The following RBFOX3 variants were observed in gnomAD, a reference collection of about 807,000 sequenced individuals.
RBFOX3 encodes the protein RNA binding protein fox-1 homolog 3.
A neutral mutation model predicts 48.7 loss-of-function variants in RBFOX3; 17 were observed. That is an observed-to-expected ratio of 0.35 (90% CI 0.24 to 0.52). The LOEUF is 0.52. RBFOX3 is among the 20% of genes least tolerant of loss of function. The pLI, the probability that RBFOX3 is intolerant of heterozygous loss-of-function variation, is 0.94. For missense variants in RBFOX3, 382 were observed against 497.5 expected (o/e 0.77, Z 2.21); for synonymous variants, 212 against 209.5 (o/e 1.01, Z -0.10).
intron 2 of RBFOX3, among the ~76,000 whole-genome samples, chr17:79,429,184 C>T (rs2067968069): frequency 6.6e-6 from 1 of 152,270 alleles, no homozygotes; most frequent in Non-Finnish European, 1.5e-5. Flanking sequence ...TCCTTGCAGC[C>T]TCTTCAGGGA....
intron 3 of RBFOX3, among the ~76,000 whole-genome samples, chr17:79,275,589 G>A (rs774325845): frequency 5.3e-5 from 8 of 152,176 alleles, no homozygotes; most frequent in Admixed American, 1.3e-4. Flanking sequence ...CCTCCCCAAT[G>A]GACACAGAAG....
intron 2 of RBFOX3, among the ~76,000 whole-genome samples, chr17:79,315,468 C>T (rs1292103920): frequency 1.3e-5 from 2 of 152,260 alleles, no homozygotes; most frequent in African/African-American, 2.4e-5. Flanking sequence ...AAAGAGCCAC[C>T]TCTCCCATCC....
chr17:79,558,901 G>A (rs1277434959), intron 1 of RBFOX3, among the ~76,000 whole-genome samples: 5 of 152,090 alleles, frequency 3.3e-5, no homozygotes, highest in Non-Finnish European at 7.4e-5. Flanking sequence ...GACCCCTGTG[G>A]CCCAGAGGCT....
chr17:79,420,164 CACACACACACAA>C (rs781802944), intron 2 of RBFOX3, among the ~76,000 whole-genome samples: 8,121 of 149,582 alleles, frequency 0.054, 351 homozygotes, highest in African/African-American at 0.099. Flanking sequence ...CACACACACA[CACACACACACAA>C]AAGATGGTTA....
chr17:79,656,774 G>GAGAGAGAGAGAGAAACAGAAAGA, the RBFOX3 span, among the ~76,000 whole-genome samples: 1 of 29,170 alleles, frequency 3.4e-5, no homozygotes, highest in African/African-American at 9.9e-5. Context: ...AGGAAGGAAG[G>GAGAGAGAGAGAGAAACAGAAAGA]AAGGAAAGAA....
chr17:79,336,418 A>AAAT (rs2081204920), intron 2 of RBFOX3, among the ~76,000 whole-genome samples: 2 of 73,554 alleles, frequency 2.7e-5, no homozygotes, highest in Non-Finnish European at 5.7e-5. Flanking sequence ...ATAAATAAAT[A>AAAT]AAATAAATTG....
intron 5 of RBFOX3, among the ~76,000 whole-genome samples, chr17:79,109,362 C>T (rs1194288198): frequency 6.6e-6 from 1 of 152,202 alleles, no homozygotes; most frequent in African/African-American, 2.4e-5. Context: ...TGGCTGGCAT[C>T]ACGTCCCCAG....
chr17:79,283,422 C>T (rs57288386), intron 3 of RBFOX3, among the ~76,000 whole-genome samples: 3,512 of 152,150 alleles, frequency 0.023, 148 homozygotes, highest in African/African-American at 0.08. Flanking sequence ...GCATGTGCCA[C>T]CATGCCCAGC....
chr17:79,340,891 ACAC>A (rs2081986136), intron 2 of RBFOX3, among the ~76,000 whole-genome samples: 1 of 152,122 alleles, frequency 6.6e-6, no homozygotes, highest in South Asian at 2.1e-4. Context: ...ATGCCCCCAA[ACAC>A]CACCCCTTCC....
chr17:79,269,008 C>G (rs1365764325), intron 3 of RBFOX3, among the ~76,000 whole-genome samples: 5 of 152,254 alleles, frequency 3.3e-5, no homozygotes, highest in African/African-American at 1.2e-4. Flanking sequence ...AATGTGACCT[C>G]ATTTGGAAAT....
upstream of RBFOX3, among the ~76,000 whole-genome samples, chr17:79,611,689 G>C (rs2093971164): frequency 6.6e-6 from 1 of 152,084 alleles, no homozygotes; most frequent in Non-Finnish European, 1.5e-5. Context: ...ACCCCACCCC[G>C]CATGCCATGC....
chr17:79,312,475 A>G (rs919338139), intron 2 of RBFOX3, among the ~76,000 whole-genome samples: 2 of 152,080 alleles, frequency 1.3e-5, no homozygotes, highest in South Asian at 2.1e-4. Flanking sequence ...GGGCAGGAGC[A>G]TGAGTCTGCC....
chr17:79,597,789 G>A (rs1303187265), intron 1 of RBFOX3, among the ~76,000 whole-genome samples: 1 of 152,202 alleles, frequency 6.6e-6, no homozygotes, highest in African/African-American at 2.4e-5. Context: ...AAAGCCACTG[G>A]GGCTGCAGGG....
intron 2 of RBFOX3, among the ~76,000 whole-genome samples, chr17:79,475,336 A>G (rs797024674): frequency 1.5e-3 from 222 of 152,194 alleles, no homozygotes; most frequent in African/African-American, 5.0e-3. Flanking sequence ...ATTGTCTTAA[A>G]ATCAGCCAAG....
intron 4 of RBFOX3, among the ~76,000 whole-genome samples, chr17:79,213,463 G>A (rs1017321724): frequency 6.6e-6 from 1 of 152,242 alleles, no homozygotes; most frequent in African/African-American, 2.4e-5. Flanking sequence ...CCAGACGGGG[G>A]AGGGTGAGAT....
intron 2 of RBFOX3, among the ~76,000 whole-genome samples, chr17:79,451,243 T>C (rs1430818319): frequency 2.0e-5 from 3 of 152,082 alleles, no homozygotes; most frequent in Non-Finnish European, 4.4e-5. Flanking sequence ...AAAAATACAT[T>C]AGGAAATTTG....
chr17:79,557,238 A>G (rs1260549919), intron 1 of RBFOX3, among the ~76,000 whole-genome samples: 1 of 151,500 alleles, frequency 6.6e-6, no homozygotes, highest in African/African-American at 2.4e-5. Context: ...AAAAAAAAAA[A>G]AAAAAAAAAA....
At chr17:79,616,667 C>G in the RBFOX3 span, among the ~76,000 whole-genome samples, 1 of 152,010 alleles carries the variant, frequency 6.6e-6, no homozygotes, top group African/African-American at 2.4e-5. Flanking sequence ...TGTCGGATCT[C>G]CCCTTCAGGC....
At chr17:79,607,818 C>T (rs2093869509) in intron 1 of RBFOX3, among the ~76,000 whole-genome samples, 1 of 152,186 alleles carries the variant, frequency 6.6e-6, no homozygotes, top group Non-Finnish European at 1.5e-5. Context: ...TCTCTGGCCA[C>T]TACAGTGTCT....
Sources: allele counts gnomAD v4.1 joint callset (sites outside exome capture counted in the v4.1 genomes callset), GRCh38; gene constraint gnomAD v4.1.1; transcripts MANE v1.5; gene names NCBI Gene and HGNC (gene_info 2026-07-23, HGNC 2026-07-21).